BBOF1: variants seen among roughly 807,000 people sequenced by gnomAD.
The protein encoded by BBOF1 is basal body orientation factor 1, also known as basal body-orientation factor 1.
A neutral mutation model predicts 68.0 loss-of-function variants in BBOF1; 62 were observed. That is an observed-to-expected ratio of 0.91 (90% CI 0.74 to 1.13). BBOF1 has a LOEUF of 1.13. Among genes scored for constraint, BBOF1 ranks in the 50% most tolerant of loss-of-function variants. BBOF1 has a pLI of 0.00. For synonymous variants in BBOF1, 208 were observed against 198.8 expected (o/e 1.05, Z -0.39); for missense variants, 534 against 600.1 (o/e 0.89, Z 1.15).
In BBOF1 at chr14:74,057,151, A is replaced by G. The variant is rs1348501596; in HGVS notation, c.1471A>G (p.Ser491Gly). 6.8e-6 allele frequency: 11 copies of G among 1,611,480 alleles called. No homozygotes were observed. The East Asian group carries it at 2.2e-4, about 33-fold the overall frequency. Residue 491 changes from serine (S) to glycine (G), a missense_variant, in exon 11 of 12, where the codon AGT (serine) becomes GGT (glycine). Transcript: ENST00000394009. ...ATTTTGTCATTATTGCAGGGATGAA[A>G]GTAAGCTTCAAGATAAAATCTTCAT... ...SGETKEFGDE[S>G]KLQDKIFITQ...
chr14:74,051,370 A>G (rs8015654), intron 8 of BBOF1, among the ~76,000 whole-genome samples: 35,147 of 151,416 alleles, frequency 0.23, 4,892 homozygotes, highest in South Asian at 0.46. Flanking sequence ...CCAAGATTGC[A>G]TCACTGCACT....
downstream of BBOF1, chr14:74,070,829 T>C (rs1187751731): frequency 1.5e-5 from 4 of 267,138 alleles, no homozygotes; most frequent in East Asian, 4.0e-4. Flanking sequence ...ATTTAAGTAT[T>C]AGCTATTATT....
At chr14:74,068,533 G>A (rs920187493), downstream of BBOF1, among the ~76,000 whole-genome samples, 12 of 152,120 alleles carry the variant, frequency 7.9e-5, no homozygotes, top group Admixed American at 6.6e-4. Flanking sequence ...GAGGTCAGGA[G>A]ATCGAAACCA....
chr14:74,080,522 C>T (rs575102528), intron 10 of BBOF1, among the ~76,000 whole-genome samples: 1 of 152,204 alleles, frequency 6.6e-6, no homozygotes, highest in Admixed American at 6.5e-5. Context: ...TGCACACGAC[C>T]TCGCTCTCAG....
chr14:74,065,064 G>T lies in BBOF1; in HGVS notation c.*365G>T. 7.1e-7 allele frequency: 1 copy of T among 1,400,164 alleles called. No homozygotes were observed. The highest frequency in any genetic ancestry group is 1.0e-6 in the Non-Finnish European group (1 of 999,846). 86.7% of individuals were successfully genotyped at this position (1,400,164 alleles called of 1,614,324 possible). A position where few individuals can be genotyped will look rare whatever the true frequency, so the allele number is the denominator to read the frequency against. On this transcript the variant is annotated 3_prime_UTR_variant, in exon 12 of 12. Coordinates refer to ENST00000394009, the MANE Select transcript of BBOF1 (RefSeq NM_025057.3). Reference sequence around the variant, plus strand: ...AACTTTCATTCCTGAGGAAGAAATGGGGCAATGTGGGAGGTCATGGGGGCA... The same window carrying T: ...AACTTTCATTCCTGAGGAAGAAATGTGGCAATGTGGGAGGTCATGGGGGCA...
At position 74,019,422 on chromosome 14, in the gene BBOF1, T is replaced by G; in HGVS notation, c.-57T>G. ...GTCCCGGTTCCCTTGGAGACAGAGC[T>G]GGCCAGGGCGGCCGCGGCTGGGCAA... On this transcript the variant is annotated 5_prime_UTR_variant, in exon 1 of 12. Coordinates refer to ENST00000394009, the MANE Select transcript of BBOF1 (RefSeq NM_025057.3). 1.3e-6 allele frequency: 2 copies of G among 1,567,066 alleles called. No homozygotes were observed. Among genetic ancestry groups the G allele is most frequent in the Non-Finnish European group, 1.7e-6 (2 of 1,156,672 alleles).
chr14:74,024,558 G>A (rs1008973259), intron 2 of BBOF1, among the ~76,000 whole-genome samples: 4 of 152,156 alleles, frequency 2.6e-5, no homozygotes, highest in African/African-American at 4.8e-5. Flanking sequence ...ATCGACATCC[G>A]GGCTCAGATG....
chr14:74,024,208 C>T (rs2059373313), intron 2 of BBOF1, among the ~76,000 whole-genome samples: 1 of 152,048 alleles, frequency 6.6e-6, no homozygotes, highest in Non-Finnish European at 1.5e-5. Flanking sequence ...CCTATAATCC[C>T]AACACTTTGG....
chr14:74,047,553 C>T (rs890751868), intron 6 of BBOF1, among the ~76,000 whole-genome samples: 1 of 152,034 alleles, frequency 6.6e-6, no homozygotes, highest in Non-Finnish European at 1.5e-5. Flanking sequence ...CCTTCCTCAG[C>T]TTCCTGAGTA....
At chr14:74,057,648 T>A in intron 11 of BBOF1, 1 of 1,330,198 alleles carries the variant, frequency 7.5e-7, no homozygotes, top group Middle Eastern at 2.1e-4. Flanking sequence ...ATGAAATGAT[T>A]TTTTTAAGCC....
At chr14:74,028,467 TACACACAC>T (rs34677110) in intron 2 of BBOF1, among the ~76,000 whole-genome samples, 11,802 of 138,218 alleles carry the variant, frequency 0.085, 479 homozygotes, top group South Asian at 0.17. Flanking sequence ...ACTAAAGAAA[TACACACAC>T]ACACACACAC....
intron 7 of BBOF1, 83 bp downstream of exon 7, chr14:74,048,157 T>C: frequency 7.4e-7 from 1 of 1,357,534 alleles, no homozygotes; most frequent in Non-Finnish European, 1.0e-6. Context: ...GGTATAATAA[T>C]GATATATAAG....
At position 74,021,100 on chromosome 14, in the gene BBOF1, A is replaced by C. The variant is rs2286416; in HGVS notation, c.56+1566A>C. Among the ~76,000 whole-genome samples, 28 of 152,288 alleles carry C rather than the reference A, an allele frequency of 1.8e-4. No individual in the cohort carries two copies. In the East Asian group the frequency reaches 5.2e-3, roughly 28 times the overall value. ...TGTACATATGTGTGAAAATATTTAG[A>C]ATTCAAATACAGGTGAAATATTCTT... On this transcript the variant is annotated intron_variant, in intron 1 of 11. Transcript: ENST00000394009.
At chr14:74,081,847 C>T (rs1442838126) in intron 12 of BBOF1, among the ~76,000 whole-genome samples, 3 of 152,198 alleles carry the variant, frequency 2.0e-5, no homozygotes, top group Admixed American at 6.6e-5. Context: ...TCTGAATTTT[C>T]AGCCCCATCA....
intron 2 of BBOF1, among the ~76,000 whole-genome samples, chr14:74,025,563 T>G (rs2059404660): frequency 6.6e-6 from 1 of 152,206 alleles, no homozygotes; most frequent in Non-Finnish European, 1.5e-5. Context: ...AGATTCCCCT[T>G]AAGAGAATTT....
chr14:74,048,198 G>A (rs1222550987), intron 7 of BBOF1, 124 bp downstream of exon 7: 2 of 862,142 alleles, frequency 2.3e-6, no homozygotes, highest in Non-Finnish European at 3.5e-6. Context: ...CTGTCTGGAT[G>A]ATGCACTTTT....
chr14:74,059,138 A>C (rs1217384226), intron 11 of BBOF1: 2 of 201,416 alleles, frequency 9.9e-6, no homozygotes, highest in Non-Finnish European at 2.0e-5. Context: ...TGGCAGAAGA[A>C]GACTGTCAAA....
At chr14:74,023,580 C>T (rs2059351553) in intron 2 of BBOF1, among the ~76,000 whole-genome samples, 1 of 151,766 alleles carries the variant, frequency 6.6e-6, no homozygotes, top group Non-Finnish European at 1.5e-5. Context: ...CTTATTGTAC[C>T]TTATTAAAGT....
chr14:74,040,215 A>G (rs528741664), intron 4 of BBOF1, among the ~76,000 whole-genome samples: 27 of 152,172 alleles, frequency 1.8e-4, no homozygotes, highest in South Asian at 6.2e-4. Flanking sequence ...CTGGTCTCAA[A>G]CTTCTTCAAG....
Sources: allele counts gnomAD v4.1 joint callset (sites outside exome capture counted in the v4.1 genomes callset), GRCh38; gene constraint gnomAD v4.1.1; transcripts MANE v1.5; gene names NCBI Gene and HGNC (gene_info 2026-07-23, HGNC 2026-07-21).